Variants in B4GALNT2 observed in about 807,000 individuals in gnomAD.
B4GALNT2 encodes the protein N-acetylneuraminylgalactosylglucosyl-glucoside beta-1,4-N- acetylgalactosaminyltransferase 2.
B4GALNT2 carries 42 observed loss-of-function variants against 51.1 expected under a neutral mutation model. The ratio of observed to expected loss-of-function variants is 0.82; its 90% CI spans 0.64 to 1.06. B4GALNT2 has a LOEUF of 1.06. Among genes scored for constraint, B4GALNT2 ranks in the 50% least tolerant of loss-of-function variants. The pLI is 0.00. For synonymous variants in B4GALNT2, 253 were observed against 251.7 expected, an observed-to-expected ratio of 1.01 and a Z score of -0.05; for missense variants, 602 against 633.6, an observed-to-expected ratio of 0.95 and a Z score of 0.54.
chr17:49,168,951 A>G lies in B4GALNT2; in HGVS notation c.1315+51A>G, dbSNP rs377172657. ...GGGAGCTGGGCTGGGAATTAGCTGCAGAAGTTTGTTCTTTCCAAGGGCTGT... is the reference window on the plus strand; with the variant it reads ...GGGAGCTGGGCTGGGAATTAGCTGCGGAAGTTTGTTCTTTCCAAGGGCTGT... On this transcript the variant is annotated intron_variant, in intron 10 of 10. Transcript: ENST00000393354. 3.2e-6 allele frequency: 5 copies of G among 1,555,622 alleles called. No homozygotes were observed. The African/African-American group carries it at 5.4e-5, about 17-fold the overall frequency.
Position 49,164,164 on chromosome 17 carries a change from G to A in B4GALNT2, c.843G>A (p.Arg281=), listed in dbSNP as rs766419436. The A allele has an allele frequency of 3.1e-5, 50 of 1,613,812 alleles. No homozygotes were observed. Among genetic ancestry groups the A allele is most frequent in the African/African-American group, 4.0e-5 (3 of 74,910 alleles). ...LRPHKLMIML[R]SIREYYPDLT... ...CCCACAAGCTCATGATCATGCTCCG[G>A]AGTATTCGAGAGTATTACCCAGACT... Residue 281 remains arginine, a synonymous_variant, in exon 8 of 11, where the codon CGG becomes CGA. Coordinates refer to ENST00000393354, the MANE Select transcript of B4GALNT2 (RefSeq NM_001159387.2).
At chr17:49,126,895 A>G in the B4GALNT2 span, among the ~76,000 whole-genome samples, 77,407 of 151,800 alleles carry the variant, frequency 0.51, 20,105 homozygotes, top group Middle Eastern at 0.62. Flanking sequence ...GTAGAGACAG[A>G]GTTTCACCAT....
At position 49,156,552 on chromosome 17, in the gene B4GALNT2, C is replaced by A. The variant is rs778714924; in HGVS notation, c.461-14C>A. 6.2e-7 allele frequency: 1 copy of A among 1,613,668 alleles called. No individual in the cohort carries two copies. Among genetic ancestry groups the A allele is most frequent in the South Asian group, 1.1e-5 (1 of 90,960 alleles). On this transcript the variant is annotated splice_polypyrimidine_tract_variant and intron_variant, in intron 4 of 10. Transcript: ENST00000393354. ...TCATGAGCAGTTTTCTTTCCTTTTC[C>A]CTGTGTCCTCCAGGCCTCCAGTTTG...
intron 4 of B4GALNT2, among the ~76,000 whole-genome samples, chr17:49,153,786 G>A (rs1219135263): frequency 6.6e-6 from 1 of 152,006 alleles, no homozygotes; most frequent in East Asian, 1.9e-4. Context: ...GGGACTACAG[G>A]CATGAGCCAC....
rs145123699 is a variant in B4GALNT2 at position 49,143,710 on chromosome 17, T to C, written c.353+1538T>C. 2.9e-3 allele frequency among the ~76,000 whole-genome samples: 444 copies of C among 152,358 alleles called. 3 individuals are homozygous for C. The highest frequency in any genetic ancestry group is 0.01 in the African/African-American group (420 of 41,582). On this transcript the variant is annotated intron_variant, in intron 3 of 10. Coordinates refer to ENST00000393354, the MANE Select transcript of B4GALNT2 (RefSeq NM_001159387.2). ...AAGGTAAGTTTATTTAGCTTACGATTCTGGAGGCTGAGAAGTCTAACAGCA... is the reference window on the plus strand; with the variant it reads ...AAGGTAAGTTTATTTAGCTTACGATCCTGGAGGCTGAGAAGTCTAACAGCA...
intron 1 of B4GALNT2, chr17:49,133,332 A>G: frequency 7.7e-7 from 1 of 1,294,180 alleles, no homozygotes; most frequent in Non-Finnish European, 1.0e-6. Flanking sequence ...TTTCAAATCC[A>G]GGCGCCCACC....
upstream of B4GALNT2, among the ~76,000 whole-genome samples, chr17:49,131,875 G>A (rs1301899624): frequency 2.0e-5 from 3 of 152,252 alleles, no homozygotes; most frequent in African/African-American, 4.8e-5. Flanking sequence ...GCTCACACCC[G>A]TAATCCTAGC....
chr17:49,124,381 C>T, the B4GALNT2 span, among the ~76,000 whole-genome samples: 16 of 152,200 alleles, frequency 1.1e-4, no homozygotes, highest in African/African-American at 3.9e-4. Flanking sequence ...TAAAGAGGAC[C>T]AAAACAAGAC....
upstream of B4GALNT2, among the ~76,000 whole-genome samples, chr17:49,128,003 G>T (rs2042519108): frequency 6.6e-6 from 1 of 152,174 alleles, no homozygotes; most frequent in Admixed American, 6.5e-5. Context: ...AAGGCCTTTT[G>T]AATATACTCA....
At chr17:49,134,694 T>C (rs1440828408) in intron 1 of B4GALNT2, among the ~76,000 whole-genome samples, 7 of 152,122 alleles carry the variant, frequency 4.6e-5, no homozygotes, top group Non-Finnish European at 7.3e-5. Flanking sequence ...TTCAAGCAAT[T>C]CCCCTGCCTC....
chr17:49,160,137 T>C (rs2042849652), intron 6 of B4GALNT2, among the ~76,000 whole-genome samples: 1 of 152,146 alleles, frequency 6.6e-6, no homozygotes, highest in Non-Finnish European at 1.5e-5. Flanking sequence ...TCATGACCAC[T>C]AGCTAAAGAG....
rs1322035372 is a variant in B4GALNT2 at position 49,141,298 on chromosome 17, C to A, written c.66C>A (p.Gly22=). ...TATTGGTCATAATCCTGGTACTTGG[C>A]ATTGTTGGATTTATGTTCGGAAGCA... The part of the protein sequence containing the change: ...LKILVIILVL[G]IVGFMFGSMF... Residue 22 remains glycine, a synonymous_variant, in exon 2 of 11, where the codon GGC becomes GGA. Coordinates refer to ENST00000393354, the MANE Select transcript of B4GALNT2 (RefSeq NM_001159387.2). The A allele has an allele frequency of 2.2e-5, 35 of 1,613,960 alleles. No homozygotes were observed. Among genetic ancestry groups the A allele is most frequent in the Non-Finnish European group, 2.8e-5 (33 of 1,180,008 alleles).
At position 49,174,272 on chromosome 17, in the gene B4GALNT2, A is replaced by C. The variant is rs755150569; in HGVS notation, c.*4544A>C. On this transcript the variant is annotated 3_prime_UTR_variant, in exon 11 of 11. Coordinates refer to ENST00000393354, the MANE Select transcript of B4GALNT2 (RefSeq NM_001159387.2). ...ATAATGAATAATGTAACACTGTGAA[A>C]ATTTTTTATGAGTAGGTTCAATTGT... 3.3e-5 allele frequency: 5 copies of C among 152,216 alleles called. No homozygotes were observed. Among genetic ancestry groups the C allele is most frequent in the Non-Finnish European group, 7.3e-5 (5 of 68,038 alleles). 9.4% of individuals were successfully genotyped at this position (152,216 alleles called of 1,614,324 possible). A position where few individuals can be genotyped will look rare whatever the true frequency, so the allele number is the denominator to read the frequency against.
the B4GALNT2 span, among the ~76,000 whole-genome samples, chr17:49,125,889 C>A: frequency 1.1e-3 from 163 of 146,878 alleles, 2 homozygotes; most frequent in Middle Eastern, 7.0e-3. Flanking sequence ...GGGGTCGGCC[C>A]CCTGCCCGAC....
At chr17:49,134,198 A>C (rs12449904) in intron 1 of B4GALNT2, among the ~76,000 whole-genome samples, 5 of 151,988 alleles carry the variant, frequency 3.3e-5, no homozygotes, top group Non-Finnish European at 7.4e-5. Context: ...GGAATCATGC[A>C]TAAAAGGTCT....
chr17:49,158,250 T>C (rs1024665826), intron 5 of B4GALNT2, among the ~76,000 whole-genome samples: 1 of 152,184 alleles, frequency 6.6e-6, no homozygotes, highest in African/African-American at 2.4e-5. Flanking sequence ...TAGTTCCATT[T>C]TGAAGACAAC....
upstream of B4GALNT2, among the ~76,000 whole-genome samples, chr17:49,130,187 A>G (rs1312823770): frequency 6.6e-6 from 1 of 152,238 alleles, no homozygotes; most frequent in African/African-American, 2.4e-5. Context: ...AATGTGAAGC[A>G]AGAGTTATGC....
At chr17:49,144,291 T>G (rs2042672125) in intron 3 of B4GALNT2, among the ~76,000 whole-genome samples, 1 of 152,154 alleles carries the variant, frequency 6.6e-6, no homozygotes, top group African/African-American at 2.4e-5. Context: ...ACACATGAAA[T>G]TTGGGGAACA....
rs564071687 is a variant in B4GALNT2, at chr17:49,162,598, C to T, written c.767-1490C>T. On this transcript the variant is annotated intron_variant, in intron 7 of 10. Coordinates refer to ENST00000393354, the MANE Select transcript of B4GALNT2 (RefSeq NM_001159387.2). ...TGAAATGACATTTGTTCGATTGCAG[C>T]GCTGTTTGCAATGACAAAAAACAGA... Among the ~76,000 whole-genome samples the T allele has an allele frequency of 8.5e-5, 13 of 152,126 alleles. No individual in the cohort carries two copies. In the East Asian group the frequency reaches 2.3e-3, roughly 27 times the overall value.
Sources: gnomAD v4.1 joint callset for allele counts (sites outside exome capture counted in the v4.1 genomes callset) on GRCh38, gnomAD v4.1.1 for gene constraint, MANE v1.5 for transcripts, NCBI Gene and HGNC (gene_info 2026-07-23, HGNC 2026-07-21) for gene names.